The following KCNIP1 variants were observed in gnomAD, a reference collection of about 807,000 sequenced individuals.
The protein encoded by KCNIP1 is A-type potassium channel modulatory protein KCNIP1.
KCNIP1 carries 18 observed loss-of-function variants against 33.0 expected under a neutral mutation model. The observed-to-expected ratio is 0.55, with a 90% CI of 0.38 to 0.81. The LOEUF (loss-of-function observed/expected upper bound fraction) is 0.81. Among genes scored for constraint, KCNIP1 ranks in the 30% least tolerant of loss-of-function variants. The pLI is 0.00. For missense variants in KCNIP1, 238 were observed against 271.6 expected, an observed-to-expected ratio of 0.88 and a Z score of 0.87; for synonymous variants, 93 against 98.3, an observed-to-expected ratio of 0.95 and a Z score of 0.32.
intron 1 of KCNIP1, among the ~76,000 whole-genome samples, chr5:170,657,570 A>AGAC (rs1421133228): frequency 1.2e-4 from 18 of 152,160 alleles, no homozygotes; most frequent in Admixed American, 6.5e-5. Context: ...TCCCAAGGAT[A>AGAC]GACAGCTTCC....
At chr5:170,664,458 T>G (rs1761626236) in intron 1 of KCNIP1, among the ~76,000 whole-genome samples, 1 of 152,154 alleles carries the variant, frequency 6.6e-6, no homozygotes, top group Admixed American at 6.5e-5. Flanking sequence ...GGGTAGAGTC[T>G]GGGTCCCATT....
At chr5:170,657,089 G>T (rs1415728947) in intron 1 of KCNIP1, among the ~76,000 whole-genome samples, 2 of 142,032 alleles carry the variant, frequency 1.4e-5, no homozygotes, top group African/African-American at 5.4e-5. Flanking sequence ...TCCACCTCCC[G>T]GGTTCAAGCA....
At chr5:170,456,701 T>TTCTTTCTTTCTTTCTTTCTTTA (rs1554093874) in intron 1 of KCNIP1, among the ~76,000 whole-genome samples, 30 of 135,774 alleles carry the variant, frequency 2.2e-4, no homozygotes, top group African/African-American at 8.4e-4. Flanking sequence ...CTCTCTCTCT[T>TTCTTTCTTTCTTTCTTTCTTTA]TTTCTTTCTT....
chr5:170,505,619 G>C (rs1754686700), intron 1 of KCNIP1, among the ~76,000 whole-genome samples: 1 of 152,180 alleles, frequency 6.6e-6, no homozygotes, highest in African/African-American at 2.4e-5. Context: ...ATAGTGAGTA[G>C]AAGTGTAATG....
intron 1 of KCNIP1, among the ~76,000 whole-genome samples, chr5:170,647,973 G>A (rs529846875): frequency 1.3e-4 from 20 of 152,056 alleles, no homozygotes; most frequent in East Asian, 7.7e-4. Flanking sequence ...CAGAAGACCC[G>A]AACAGACATT....
At chr5:170,514,722 T>C (rs1333051458) in intron 1 of KCNIP1, among the ~76,000 whole-genome samples, 3 of 152,236 alleles carry the variant, frequency 2.0e-5, no homozygotes, top group African/African-American at 7.2e-5. Context: ...ATCTCTTGAG[T>C]GTGCCTGTGA....
intron 1 of KCNIP1, among the ~76,000 whole-genome samples, chr5:170,424,790 C>T (rs559639219): frequency 1.2e-4 from 18 of 152,328 alleles, no homozygotes; most frequent in African/African-American, 3.8e-4. Flanking sequence ...CAATGGCATC[C>T]CACCACTCTT....
chr5:170,614,320 C>T (rs923631474), intron 1 of KCNIP1, among the ~76,000 whole-genome samples: 3 of 152,188 alleles, frequency 2.0e-5, no homozygotes, highest in African/African-American at 7.2e-5. Flanking sequence ...GGCTTCAGGG[C>T]CCCCTCCTCA....
chr5:170,411,301 G>A (rs193024995), intron 1 of KCNIP1, among the ~76,000 whole-genome samples: 53 of 152,356 alleles, frequency 3.5e-4, no homozygotes, highest in Non-Finnish European at 1.0e-4. Context: ...AGGAAGCTGA[G>A]GTTCAAAGAT....
chr5:170,712,762 A>T, intron 1 of KCNIP1: 1 of 1,173,614 alleles, frequency 8.5e-7, no homozygotes, highest in Admixed American at 1.7e-5. Context: ...CGACGTGGAC[A>T]CCCTCAGAGC....
chr5:170,430,818 C>G (rs1389812002), intron 1 of KCNIP1, among the ~76,000 whole-genome samples: 1 of 152,218 alleles, frequency 6.6e-6, no homozygotes, highest in Non-Finnish European at 1.5e-5. Flanking sequence ...GTTGCCCCTA[C>G]TATTACTGTG....
intron 1 of KCNIP1, among the ~76,000 whole-genome samples, chr5:170,690,154 T>C (rs536736073): frequency 1.3e-5 from 2 of 152,304 alleles, no homozygotes; most frequent in African/African-American, 4.8e-5. Context: ...AAATCACTGA[T>C]GAATGACGGC....
At chr5:170,436,620 C>T (rs972086911) in intron 1 of KCNIP1, among the ~76,000 whole-genome samples, 5 of 152,148 alleles carry the variant, frequency 3.3e-5, no homozygotes, top group Non-Finnish European at 1.5e-5. Context: ...GGTGTTGCAG[C>T]GCAGGTGTGT....
intron 1 of KCNIP1, among the ~76,000 whole-genome samples, chr5:170,505,177 C>T (rs1581250562): frequency 1.3e-5 from 2 of 152,136 alleles, no homozygotes; most frequent in East Asian, 3.9e-4. Context: ...CTGGTGGCTC[C>T]GGGAGTCAGG....
intron 1 of KCNIP1, among the ~76,000 whole-genome samples, chr5:170,621,735 C>G (rs1331647289): frequency 6.6e-6 from 1 of 152,140 alleles, no homozygotes; most frequent in African/African-American, 2.4e-5. Context: ...TTTCAAATTC[C>G]TAGGCTTGAG....
chr5:170,420,710 C>G lies in KCNIP1; in HGVS notation c.88+66746C>G, dbSNP rs201601730. Reference sequence around the variant, plus strand: ...TTTTGACGGCATGGTGGTTGGCACTCCTAACTCCCACATCGTTCAGGGTCA... The same window carrying G: ...TTTTGACGGCATGGTGGTTGGCACTGCTAACTCCCACATCGTTCAGGGTCA... On this transcript the variant is annotated intron_variant, in intron 1 of 7. Coordinates refer to the KCNIP1 transcript ENST00000377360. The G allele has an allele frequency of 3.3e-5, 5 of 152,262 alleles. No individual in the cohort carries two copies. In the South Asian group the frequency reaches 6.2e-4, roughly 19 times the overall value. 9.4% of individuals were successfully genotyped at this position (152,262 alleles called of 1,614,324 possible).
At chr5:170,560,535 CT>C (rs1054951676) in intron 1 of KCNIP1, among the ~76,000 whole-genome samples, 56 of 152,270 alleles carry the variant, frequency 3.7e-4, no homozygotes, top group African/African-American at 1.3e-3. Flanking sequence ...TGTCATGCCC[CT>C]GTCACACAGC....
chr5:170,709,684 C>A (rs939472042), intron 1 of KCNIP1, among the ~76,000 whole-genome samples: 1 of 152,070 alleles, frequency 6.6e-6, no homozygotes, highest in East Asian at 1.9e-4. Flanking sequence ...GTTTGTAGTG[C>A]TCCTTCACTC....
At chr5:170,652,579 C>T (rs1034497408) in intron 1 of KCNIP1, among the ~76,000 whole-genome samples, 2 of 151,712 alleles carry the variant, frequency 1.3e-5, no homozygotes, top group African/African-American at 4.8e-5. Context: ...CACTGGATTT[C>T]CTTCGAGGTA....
Sources: allele counts gnomAD v4.1 joint callset (sites outside exome capture counted in the v4.1 genomes callset), GRCh38; gene constraint gnomAD v4.1.1; transcripts MANE v1.5; gene names NCBI Gene and HGNC (gene_info 2026-07-23, HGNC 2026-07-21).